MON2: variants seen among roughly 807,000 people sequenced by gnomAD.
The protein encoded by MON2 is protein MON2 homolog.
In MON2, 84 loss-of-function variants were observed where a neutral mutation model predicts 208.6. The ratio of observed to expected loss-of-function variants is 0.40; its 90% CI spans 0.34 to 0.48. The LOEUF (loss-of-function observed/expected upper bound fraction) is 0.48, where lower values mean the gene tolerates loss of function less well. Among genes scored for constraint, MON2 ranks in the 20% least tolerant of loss-of-function variants. MON2 has a pLI of 0.59. For missense variants in MON2, 1,611 were observed against 2,015.4 expected (o/e 0.80, Z 3.84); for synonymous variants, 660 against 694.0 (o/e 0.95, Z 0.77).
chr12:62,505,977 G>A (rs11174517), intron 7 of MON2, among the ~76,000 whole-genome samples: 17,366 of 152,154 alleles, frequency 0.11, 1,270 homozygotes, highest in Middle Eastern at 0.25. Flanking sequence ...TGGCCACAGA[G>A]ATCATGATGA....
chr12:62,525,031 GTT>G (rs1481348156), intron 9 of MON2, 51 bp from the exon 10 acceptor site: 1 of 1,477,032 alleles, frequency 6.8e-7, no homozygotes, highest in Non-Finnish European at 9.3e-7. Context: ...AAGGTTTACA[GTT>G]TTTAATATAT....
At chr12:62,499,136 C>A in intron 5 of MON2, 88 bp downstream of exon 5, 1 of 1,334,574 alleles carries the variant, frequency 7.5e-7, no homozygotes, top group Non-Finnish European at 1.0e-6. Context: ...AGATGATCAA[C>A]ATTATTATGT....
chr12:62,517,467 A>G (rs1019085889), intron 8 of MON2, among the ~76,000 whole-genome samples: 2 of 152,122 alleles, frequency 1.3e-5, no homozygotes, highest in African/African-American at 4.8e-5. Context: ...CCAGTCCCCA[A>G]CATGACAGTA....
intron 1 of MON2, among the ~76,000 whole-genome samples, chr12:62,474,263 C>A (rs952463128): frequency 1.3e-5 from 2 of 151,012 alleles, no homozygotes; most frequent in African/African-American, 4.9e-5. Flanking sequence ...GGATTACAGG[C>A]GCCTGCCACC....
intron 23 of MON2, among the ~76,000 whole-genome samples, chr12:62,550,909 C>CTTTTTTTTTTT (rs869160726): frequency 5.0e-3 from 220 of 43,766 alleles, no homozygotes; most frequent in Non-Finnish European, 6.1e-3. Flanking sequence ...TTCTTTCTTT[C>CTTTTTTTTTTT]TTTTTTTTTT....
At chr12:62,493,120 A>G (rs923825616) in intron 2 of MON2, among the ~76,000 whole-genome samples, 2 of 152,194 alleles carry the variant, frequency 1.3e-5, no homozygotes, top group African/African-American at 4.8e-5. Context: ...TATTTATTCA[A>G]ATTCTGTAAG....
Position 62,501,561 on chromosome 12 carries a change from T to C in MON2, c.664-12T>C. Reference sequence around the variant, plus strand: ...ATTCTAGCATGTGAAATTGTTCGATTTATTTTCCCAGGATCTTTGTCAGTT... The same window carrying C: ...ATTCTAGCATGTGAAATTGTTCGATCTATTTTCCCAGGATCTTTGTCAGTT... On this transcript the variant is annotated splice_polypyrimidine_tract_variant and intron_variant, in intron 6 of 34. Transcript: ENST00000393630. 6.2e-7 allele frequency: 1 copy of C among 1,611,242 alleles called. No homozygotes were observed.
rs560354784 is a variant in MON2, at chr12:62,521,965, G to A, written c.985-2550G>A. On this transcript the variant is annotated intron_variant, in intron 8 of 34. Transcript: ENST00000393630. ...CCCAGCACTTTGGAAGGCCAAGGCG[G>A]GTGGATCACTTGAGGTCAGGAGTCC... Among the ~76,000 whole-genome samples, 51 of 152,298 alleles carry A rather than the reference G, an allele frequency of 3.3e-4. 1 individual carries two copies. In the South Asian group the frequency reaches 3.9e-3, roughly 12 times the overall value.
At chr12:62,557,301 CAG>C (rs2074003798) in intron 25 of MON2, among the ~76,000 whole-genome samples, 1 of 152,186 alleles carries the variant, frequency 6.6e-6, no homozygotes, top group Non-Finnish European at 1.5e-5. Context: ...GGTTCTCAAA[CAG>C]GGCCTATTAT....
chr12:62,490,328 GT>G (rs201990687), intron 2 of MON2, among the ~76,000 whole-genome samples: 3 of 150,040 alleles, frequency 2.0e-5, no homozygotes, highest in Non-Finnish European at 4.5e-5. Context: ...AGCTTTTTCT[GT>G]TTTTTTTTGT....
intron 27 of MON2, 139 bp downstream of exon 27, chr12:62,565,519 G>A: frequency 1.3e-6 from 1 of 756,002 alleles, no homozygotes; most frequent in South Asian, 2.2e-5. Context: ...TCTGTTAGCA[G>A]TTTAAGCTGA....
chr12:62,583,156 AC>A (rs937507475), intron 32 of MON2, among the ~76,000 whole-genome samples: 23 of 152,118 alleles, frequency 1.5e-4, no homozygotes, highest in African/African-American at 4.8e-4. Flanking sequence ...ACATGGCAAA[AC>A]CCCATCTCTA....
chr12:62,491,090 A>G (rs1026815756), intron 2 of MON2, among the ~76,000 whole-genome samples: 9 of 152,154 alleles, frequency 5.9e-5, no homozygotes, highest in Non-Finnish European at 1.3e-4. Context: ...TGTTATTATC[A>G]CATCAGTTGA....
At chr12:62,556,506 C>T (rs1451073468) in intron 25 of MON2, among the ~76,000 whole-genome samples, 1 of 152,134 alleles carries the variant, frequency 6.6e-6, no homozygotes, top group Non-Finnish European at 1.5e-5. Context: ...TTGACCTGGC[C>T]AGTGAATTCC....
At chr12:62,580,773 G>A (rs2074976820) in intron 32 of MON2, among the ~76,000 whole-genome samples, 1 of 152,182 alleles carries the variant, frequency 6.6e-6, no homozygotes, top group African/African-American at 2.4e-5. Context: ...GAAGTTACCA[G>A]TTTTGTGAAG....
At chr12:62,477,999 C>T (rs1465320855) in intron 1 of MON2, among the ~76,000 whole-genome samples, 1 of 152,142 alleles carries the variant, frequency 6.6e-6, no homozygotes, top group Non-Finnish European at 1.5e-5. Flanking sequence ...AACTGCAACC[C>T]TGATGACATT....
At chr12:62,560,240 C>A in intron 25 of MON2, 1 of 315,158 alleles carries the variant, frequency 3.2e-6, no homozygotes, top group Non-Finnish European at 5.8e-6. Flanking sequence ...AAGATTGAAA[C>A]ATTATTTGAT....
Position 62,585,433 on chromosome 12 carries a change from G to A in MON2, c.4839G>A (p.Lys1613=), listed in dbSNP as rs2075189460. The A allele has an allele frequency of 6.2e-7, 1 of 1,613,792 alleles. No individual in the cohort carries two copies. The highest frequency in any genetic ancestry group is 2.2e-5 in the East Asian group (1 of 44,846). Residue 1613 remains lysine, a synonymous_variant, in exon 33 of 35, where the codon AAG becomes AAA. Transcript: ENST00000393630. ...ISRMALSVLL[K]RSQDVLHRYI... is the part of the protein sequence containing the mutation. ...GAATGGCACTCTCAGTGCTTTTAAA[G>A]AGGTCCCAAGATGTACTACATCGCT...
At chr12:62,538,996 C>T (rs1049281696) in intron 19 of MON2, among the ~76,000 whole-genome samples, 18 of 151,832 alleles carry the variant, frequency 1.2e-4, no homozygotes, top group Middle Eastern at 3.2e-3. Flanking sequence ...ATGAATAAAA[C>T]GGTACTTTTG....
Sources: gnomAD v4.1 joint callset for allele counts (sites outside exome capture counted in the v4.1 genomes callset) on GRCh38, gnomAD v4.1.1 for gene constraint, MANE v1.5 for transcripts, NCBI Gene and HGNC (gene_info 2026-07-23, HGNC 2026-07-21) for gene names.